Variants in CHCHD6 observed in about 807,000 individuals in gnomAD.
CHCHD6 encodes coiled-coil-helix-coiled-coil-helix domain containing 6.
A neutral mutation model predicts 32.3 loss-of-function variants in CHCHD6; 28 were observed. The ratio of observed to expected loss-of-function variants is 0.87; its 90% confidence interval spans 0.64 to 1.19. The LOEUF (loss-of-function observed/expected upper bound fraction) is 1.19, where lower values mean the gene tolerates loss of function less well. Ranked by LOEUF, CHCHD6 falls within the 50% of genes most tolerant of loss-of-function variation. CHCHD6 has a pLI of 0.00. For missense variants in CHCHD6, 333 were observed against 307.0 expected (o/e 1.08, Z -0.63); for synonymous variants, 122 against 117.5 (o/e 1.04, Z -0.25).
At position 126,956,600 on chromosome 3, in the gene CHCHD6, C is replaced by CGAGAGAGAGAGA. The variant is rs58750065; in HGVS notation, c.567-799_567-788dup. On this transcript the variant is annotated intron_variant, in intron 6 of 7. Transcript: ENST00000290913. ...GCTGTTGTGTGTGTCAGTGTGCGCACGAGAGAGAGAGAGAGAGAGAGAGAG... is the reference window on the plus strand; with the variant it reads ...GCTGTTGTGTGTGTCAGTGTGCGCACGAGAGAGAGAGAGAGAGAGAGAGAGAGAGAGAGAGAG... Among the ~76,000 whole-genome samples, 1,025 of 149,756 alleles carry CGAGAGAGAGAGA rather than the reference C, an allele frequency of 6.8e-3. 13 individuals are homozygous for CGAGAGAGAGAGA. Among genetic ancestry groups the CGAGAGAGAGAGA allele is most frequent in the African/African-American group, 0.024 (970 of 40,448 alleles).
At chr3:126,794,770 A>G (rs974490482) in intron 4 of CHCHD6, among the ~76,000 whole-genome samples, 1 of 152,130 alleles carries the variant, frequency 6.6e-6, no homozygotes, top group Admixed American at 6.5e-5. Context: ...ACTTCTTAGA[A>G]TAGTATCATA....
chr3:126,811,143 T>C (rs1050311380), intron 4 of CHCHD6, among the ~76,000 whole-genome samples: 1 of 152,218 alleles, frequency 6.6e-6, no homozygotes, highest in African/African-American at 2.4e-5. Flanking sequence ...TTTTAGTTCT[T>C]TGTGTGGCTT....
chr3:126,891,505 C>T (rs1221487839), intron 5 of CHCHD6, among the ~76,000 whole-genome samples: 2 of 152,086 alleles, frequency 1.3e-5, no homozygotes, highest in African/African-American at 4.8e-5. Context: ...TTGGCAGGAA[C>T]CAGGAGGCAG....
intron 4 of CHCHD6, among the ~76,000 whole-genome samples, chr3:126,802,875 A>G (rs1469459858): frequency 6.6e-6 from 1 of 152,154 alleles, no homozygotes; most frequent in Non-Finnish European, 1.5e-5. Context: ...CTCAGCAGAA[A>G]CTCTACAAGC....
At chr3:126,954,269 C>T (rs2078754796) in intron 6 of CHCHD6, among the ~76,000 whole-genome samples, 1 of 152,328 alleles carries the variant, frequency 6.6e-6, no homozygotes. Flanking sequence ...CGAGGTTTGC[C>T]CTCAAAATGC....
chr3:126,831,811 A>G (rs1940656081), intron 4 of CHCHD6, among the ~76,000 whole-genome samples: 1 of 152,178 alleles, frequency 6.6e-6, no homozygotes, highest in Non-Finnish European at 1.5e-5. Context: ...ATCAAGAAGA[A>G]GAGTGTGTTT....
intron 3 of CHCHD6, among the ~76,000 whole-genome samples, chr3:126,731,312 C>T (rs1165337525): frequency 6.6e-6 from 1 of 152,022 alleles, no homozygotes; most frequent in Non-Finnish European, 1.5e-5. Context: ...CAAGAGCTGG[C>T]CACACCTCTG....
At chr3:126,742,402 C>G (rs1936323281) in intron 4 of CHCHD6, among the ~76,000 whole-genome samples, 1 of 152,164 alleles carries the variant, frequency 6.6e-6, no homozygotes, top group Admixed American at 6.5e-5. Flanking sequence ...CGGTATCTCC[C>G]CTAAGAAAAC....
intron 2 of CHCHD6, among the ~76,000 whole-genome samples, chr3:126,728,136 A>G (rs1257265456): frequency 6.6e-6 from 1 of 152,148 alleles, no homozygotes. Context: ...TTAGAATATG[A>G]GAGCTGTATC....
intron 4 of CHCHD6, among the ~76,000 whole-genome samples, chr3:126,841,540 G>T (rs1407514265): frequency 6.6e-6 from 1 of 152,122 alleles, no homozygotes; most frequent in Non-Finnish European, 1.5e-5. Flanking sequence ...GGATCTTGCA[G>T]AGTTTTGACG....
chr3:126,722,444 C>T (rs77900997), intron 1 of CHCHD6, among the ~76,000 whole-genome samples: 23 of 152,110 alleles, frequency 1.5e-4, no homozygotes, highest in Non-Finnish European at 2.9e-4. Context: ...ATTACAGATG[C>T]GAGCCACTAT....
intron 5 of CHCHD6, among the ~76,000 whole-genome samples, chr3:126,905,097 G>T (rs943071067): frequency 6.6e-6 from 1 of 152,164 alleles, no homozygotes; most frequent in East Asian, 1.9e-4. Context: ...CATCCAGAAC[G>T]AGCCAAGAAA....
intron 5 of CHCHD6, among the ~76,000 whole-genome samples, chr3:126,884,553 A>G (rs937646492): frequency 2.6e-5 from 4 of 152,222 alleles, no homozygotes; most frequent in African/African-American, 4.8e-5. Context: ...GAAAAGAGAA[A>G]CAAAAGCAGG....
rs150430256 is a variant in CHCHD6 at position 126,956,525 on chromosome 3, C to T, written c.567-891C>T. Among the ~76,000 whole-genome samples, 428 of 152,272 alleles carry T rather than the reference C, an allele frequency of 2.8e-3. 2 individuals are homozygous for T. Among genetic ancestry groups the T allele is most frequent in the African/African-American group, 9.5e-3 (396 of 41,552 alleles). On this transcript the variant is annotated intron_variant, in intron 6 of 7. Transcript: ENST00000290913. The stretch of plus-strand genomic sequence containing the variant: ...GAGCTGTAAGGAGCAGCACTGAGCA[C>T]GCCCAGCAGCCGGAGGACAGCACCT...
intron 4 of CHCHD6, among the ~76,000 whole-genome samples, chr3:126,836,515 T>C (rs1461221370): frequency 6.6e-6 from 1 of 152,220 alleles, no homozygotes; most frequent in Non-Finnish European, 1.5e-5. Context: ...TTAATTTATG[T>C]TCATCTGTCC....
chr3:126,704,829 C>T (rs895266122), intron 1 of CHCHD6, among the ~76,000 whole-genome samples: 1 of 152,190 alleles, frequency 6.6e-6, no homozygotes, highest in South Asian at 2.1e-4. Flanking sequence ...TTCTCCACAG[C>T]ACATCTGCGG....
At chr3:126,816,861 C>A (rs761408893) in intron 4 of CHCHD6, among the ~76,000 whole-genome samples, 3 of 152,086 alleles carry the variant, frequency 2.0e-5, no homozygotes, top group African/African-American at 4.8e-5. Context: ...ATCCCTCCCC[C>A]CTCTTCCCAC....
chr3:126,866,928 T>C (rs1942307869), intron 5 of CHCHD6, among the ~76,000 whole-genome samples: 1 of 152,208 alleles, frequency 6.6e-6, no homozygotes, highest in South Asian at 2.1e-4. Context: ...TTCTCAAAAA[T>C]ATTATCTTCC....
chr3:126,794,118 C>A (rs1229234885), intron 4 of CHCHD6, among the ~76,000 whole-genome samples: 1 of 152,012 alleles, frequency 6.6e-6, no homozygotes, highest in African/African-American at 2.4e-5. Flanking sequence ...AGCTTCTTGA[C>A]TCTACAGGGT....
Sources: gnomAD v4.1 joint callset for allele counts (sites outside exome capture counted in the v4.1 genomes callset) on GRCh38, gnomAD v4.1.1 for gene constraint, MANE v1.5 for transcripts, NCBI Gene and HGNC (gene_info 2026-07-23, HGNC 2026-07-21) for gene names.